The following RTN4RL1 variants were observed in gnomAD, a reference collection of about 807,000 sequenced individuals.
RTN4RL1 encodes reticulon 4 receptor like 1, also known as reticulon-4 receptor-like 1.
RTN4RL1 carries 7 observed loss-of-function variants against 25.6 expected under a neutral mutation model. The observed-to-expected ratio is 0.27, with a 90% CI of 0.16 to 0.51. The LOEUF is 0.51. RTN4RL1 is among the 20% of genes least tolerant of loss of function. The pLI, the probability that RTN4RL1 is intolerant of heterozygous loss-of-function variation, is 0.97. For missense variants in RTN4RL1, 500 were observed against 615.6 expected, an observed-to-expected ratio of 0.81 and a Z score of 1.99; for synonymous variants, 297 against 288.2, an observed-to-expected ratio of 1.03 and a Z score of -0.31.
chr17:2,019,768 C>T (rs1347075067), intron 1 of RTN4RL1: 1 of 152,238 alleles, frequency 6.6e-6, no homozygotes, highest in Admixed American at 6.5e-5. Context: ...GGAACGAGGG[C>T]TCGTGCTGGG....
chr17:1,943,194 G>A (rs914099885), intron 1 of RTN4RL1, among the ~76,000 whole-genome samples: 2 of 152,230 alleles, frequency 1.3e-5, no homozygotes, highest in Admixed American at 6.5e-5. Flanking sequence ...AGGAGGAAAC[G>A]AGGCCCACCA....
intron 1 of RTN4RL1, among the ~76,000 whole-genome samples, chr17:2,022,811 A>C (rs2067225901): frequency 6.6e-6 from 1 of 152,332 alleles, no homozygotes; most frequent in Admixed American, 6.5e-5. Context: ...GAACCTCTTC[A>C]GCCAACCAGG....
intron 1 of RTN4RL1, among the ~76,000 whole-genome samples, chr17:1,974,257 G>A (rs2066833095): frequency 6.6e-6 from 1 of 152,012 alleles, no homozygotes; most frequent in Non-Finnish European, 1.5e-5. Flanking sequence ...ATGAGATCTG[G>A]GTGGGGACAC....
At position 1,936,661 on chromosome 17, in the gene RTN4RL1, C is replaced by A. The variant is rs751103843; in HGVS notation, c.1161G>T (p.Lys387Asn). Reference sequence around the variant, plus strand: ...CCGTAGGCATGATGTCAAAACTGAACTTGTGCTGGTAGTCTGGGGCATAGT... The same window carrying A: ...CCGTAGGCATGATGTCAAAACTGAAATTGTGCTGGTAGTCTGGGGCATAGT... The part of the protein sequence containing the change: ...LPDYAPDYQH[K>N]FSFDIMPTAR... Residue 387 changes from lysine (K) to asparagine (N), a missense_variant, in exon 2 of 2, where the codon AAG becomes AAT. By Grantham distance (94) the Lys-to-Asn change is moderately conservative. Around this residue, in one of 2 missense-constraint regions of RTN4RL1, gnomAD observed 268 missense variants for 274.5 expected, o/e 0.98. Coordinates refer to ENST00000331238, the MANE Select transcript of RTN4RL1 (RefSeq NM_178568.4). 10 of 1,589,116 alleles carry A rather than the reference C, an allele frequency of 6.3e-6. No homozygotes were observed. In the Admixed American group the frequency reaches 9.1e-5, roughly 14 times the overall value.
chr17:1,997,775 G>C (rs545663285), intron 1 of RTN4RL1, among the ~76,000 whole-genome samples: 2 of 152,222 alleles, frequency 1.3e-5, no homozygotes, highest in East Asian at 3.8e-4. Context: ...ACTAGGACTC[G>C]GAGGTCAGGC....
At chr17:2,022,556 C>A (rs138157749) in intron 1 of RTN4RL1, among the ~76,000 whole-genome samples, 1 of 152,178 alleles carries the variant, frequency 6.6e-6, no homozygotes, top group Non-Finnish European at 1.5e-5. Context: ...TGGCTTTGGG[C>A]GCCTACCTAG....
intron 1 of RTN4RL1, among the ~76,000 whole-genome samples, chr17:1,977,634 CG>C (rs1197696741): frequency 6.6e-6 from 1 of 152,052 alleles, no homozygotes; most frequent in Non-Finnish European, 1.5e-5. Context: ...GGGAGGGGAG[CG>C]GTAAGTGGGG....
chr17:1,985,137 G>A (rs2066882547), intron 1 of RTN4RL1, among the ~76,000 whole-genome samples: 1 of 152,166 alleles, frequency 6.6e-6, no homozygotes, highest in South Asian at 2.1e-4. Context: ...CTCCTGTCAG[G>A]TGAAGGAACT....
chr17:1,999,791 G>A (rs1340640755), intron 1 of RTN4RL1, among the ~76,000 whole-genome samples: 1 of 152,250 alleles, frequency 6.6e-6, no homozygotes, highest in African/African-American at 2.4e-5. Flanking sequence ...TGCTGGAAAA[G>A]GAACAAAAGC....
intron 1 of RTN4RL1, among the ~76,000 whole-genome samples, chr17:2,008,741 G>A (rs1391233425): frequency 2.6e-5 from 4 of 152,064 alleles, no homozygotes; most frequent in South Asian, 2.1e-4. Flanking sequence ...GCCTAAGCAC[G>A]GGTTGTCGCG....
chr17:1,975,974 G>A (rs1269771535), intron 1 of RTN4RL1, among the ~76,000 whole-genome samples: 2 of 152,360 alleles, frequency 1.3e-5, no homozygotes, highest in East Asian at 3.9e-4. Flanking sequence ...CGCCATCCCT[G>A]CAGAGAGCAG....
At chr17:2,022,404 G>A (rs376584997) in intron 1 of RTN4RL1, among the ~76,000 whole-genome samples, 13 of 152,138 alleles carry the variant, frequency 8.5e-5, no homozygotes, top group South Asian at 2.1e-4. Flanking sequence ...CTCCTACCTC[G>A]GCCTCCCAAA....
chr17:2,014,862 A>G (rs1028453309), intron 1 of RTN4RL1, among the ~76,000 whole-genome samples: 3 of 152,116 alleles, frequency 2.0e-5, no homozygotes, highest in Non-Finnish European at 4.4e-5. Context: ...ACATGATTCA[A>G]TTGAATCCAA....
At chr17:1,999,299 A>C (rs2066945478) in intron 1 of RTN4RL1, among the ~76,000 whole-genome samples, 1 of 151,680 alleles carries the variant, frequency 6.6e-6, no homozygotes, top group South Asian at 2.1e-4. Flanking sequence ...TACAAAAATT[A>C]GCCGGGCGTG....
intron 1 of RTN4RL1, among the ~76,000 whole-genome samples, chr17:1,955,100 A>G (rs1397809975): frequency 6.6e-6 from 1 of 151,912 alleles, no homozygotes; most frequent in African/African-American, 2.4e-5. Context: ...TTCACTAGGG[A>G]CCTACCTCTC....
chr17:1,995,013 G>A (rs866181546), intron 1 of RTN4RL1, among the ~76,000 whole-genome samples: 4 of 152,098 alleles, frequency 2.6e-5, no homozygotes, highest in Non-Finnish European at 4.4e-5. Context: ...CCTGTGTCTG[G>A]AGCATGTGGT....
intron 1 of RTN4RL1, among the ~76,000 whole-genome samples, chr17:1,981,734 G>A (rs1597225600): frequency 6.6e-6 from 1 of 152,226 alleles, no homozygotes; most frequent in Non-Finnish European, 1.5e-5. Context: ...CTCCCAGGAA[G>A]CTCTAGAACC....
intron 1 of RTN4RL1, chr17:2,017,688 C>CAA (rs2151329610): frequency 7.4e-6 from 1 of 135,232 alleles, no homozygotes; most frequent in Non-Finnish European, 1.6e-5. Flanking sequence ...TACATACACA[C>CAA]ACACACACAC....
At chr17:1,996,244 T>G (rs919517225) in intron 1 of RTN4RL1, among the ~76,000 whole-genome samples, 1 of 152,232 alleles carries the variant, frequency 6.6e-6, no homozygotes, top group African/African-American at 2.4e-5. Flanking sequence ...AGGTCACTGC[T>G]GCTTTCCAGG....
Sources: gnomAD v4.1 joint callset for allele counts (sites outside exome capture counted in the v4.1 genomes callset) on GRCh38, gnomAD v4.1.1 for gene constraint, gnomAD v4.1.1 regional missense constraint, MANE v1.5 for transcripts, NCBI Gene and HGNC (gene_info 2026-07-23, HGNC 2026-07-21) for gene names.